SEC23B: variants seen among roughly 807,000 people sequenced by gnomAD.
The protein encoded by SEC23B is SEC23 homolog B, COPII component, also known as protein transport protein Sec23B.
A neutral mutation model predicts 104.3 loss-of-function variants in SEC23B; 77 were observed. That is an observed-to-expected ratio of 0.74 (90% CI 0.61 to 0.89). SEC23B has a LOEUF of 0.89. SEC23B is among the 40% of genes least tolerant of loss of function. The pLI is 0.00. For synonymous variants in SEC23B, 338 were observed against 332.5 expected (o/e 1.02, Z -0.18); for missense variants, 885 against 949.4 (o/e 0.93, Z 0.89).
chr20:18,557,745 C>CTTTTTTTTTTTTTTTTT (rs11477198), intron 19 of SEC23B, among the ~76,000 whole-genome samples: 2 of 116,824 alleles, frequency 1.7e-5, no homozygotes, highest in African/African-American at 6.2e-5. Flanking sequence ...TTTTTCTTTT[C>CTTTTTTTTTTTTTTTTT]TTTTTTTTTT....
In SEC23B at chr20:18,530,674, A is replaced by T; in HGVS notation, c.1110-6A>T. ...ATATTCACTTGATTTTTTTCTTCTT[A>T]CCTAGAGGCTACATGGTAATGGGAG... On this transcript the variant is annotated splice_polypyrimidine_tract_variant and splice_region_variant and intron_variant, in intron 9 of 19. Coordinates refer to ENST00000650089, the MANE Select transcript of SEC23B (RefSeq NM_006363.6). The T allele has an allele frequency of 2.5e-6, 4 of 1,611,948 alleles. No homozygotes were observed. The highest frequency in any genetic ancestry group is 3.4e-6 in the Non-Finnish European group (4 of 1,178,400).
chr20:18,516,870 A>G (rs534228110), intron 4 of SEC23B, among the ~76,000 whole-genome samples: 7 of 151,336 alleles, frequency 4.6e-5, no homozygotes, highest in African/African-American at 1.7e-4. Flanking sequence ...TAGGCTCTTT[A>G]TTGTCCTTTG....
At chr20:18,513,061 G>A (rs1600226432) in intron 3 of SEC23B, among the ~76,000 whole-genome samples, 2 of 152,210 alleles carry the variant, frequency 1.3e-5, no homozygotes, top group East Asian at 3.8e-4. Context: ...GCAGCCACCT[G>A]TAGTCTTAGC....
At chr20:18,548,933 A>G (rs754093514) in intron 16 of SEC23B, among the ~76,000 whole-genome samples, 163 bp downstream of exon 16, 11 of 152,250 alleles carry the variant, frequency 7.2e-5, no homozygotes, top group Non-Finnish European at 1.6e-4. Context: ...GAAAATGTCA[A>G]AGGACATATA....
At chr20:18,548,410 ACT>A (rs1280950466) in intron 15 of SEC23B, among the ~76,000 whole-genome samples, 197 bp from the exon 16 acceptor site, 1 of 151,750 alleles carries the variant, frequency 6.6e-6, no homozygotes, top group Non-Finnish European at 1.5e-5. Context: ...CAGAGCTGAA[ACT>A]CTGTGCTCAT....
intron 11 of SEC23B, among the ~76,000 whole-genome samples, chr20:18,534,082 A>G (rs566346186): frequency 6.6e-6 from 1 of 152,310 alleles, no homozygotes; most frequent in East Asian, 1.9e-4. Context: ...ACATTTTGCC[A>G]TAATTGCTCT....
At chr20:18,525,966 T>C in intron 7 of SEC23B, 34 bp downstream of exon 7, 1 of 1,605,918 alleles carries the variant, frequency 6.2e-7, no homozygotes, top group East Asian at 2.2e-5. Flanking sequence ...TCTCAAATCA[T>C]ACAAATGTGC....
At chr20:18,515,374 A>G (rs975824462) in intron 3 of SEC23B, among the ~76,000 whole-genome samples, 7 of 152,020 alleles carry the variant, frequency 4.6e-5, no homozygotes, top group Non-Finnish European at 7.4e-5. Flanking sequence ...GCAGTGGCGC[A>G]ATCATGGCTC....
chr20:18,508,936 G>T (rs1458090371), intron 1 of SEC23B, among the ~76,000 whole-genome samples: 1 of 152,098 alleles, frequency 6.6e-6, no homozygotes, highest in Admixed American at 6.6e-5. Flanking sequence ...GGCCAGGCTG[G>T]TCTTGAATTC....
chr20:18,558,544 G>C (rs553912051), intron 19 of SEC23B, among the ~76,000 whole-genome samples: 2 of 152,250 alleles, frequency 1.3e-5, no homozygotes, highest in South Asian at 4.1e-4. Flanking sequence ...CCAGTGACAT[G>C]AATGTTAGAT....
intron 12 of SEC23B, among the ~76,000 whole-genome samples, chr20:18,537,066 CTCA>C (rs1204203873): frequency 6.6e-6 from 1 of 152,100 alleles, no homozygotes; most frequent in Non-Finnish European, 1.5e-5. Context: ...ACCTGTGTTA[CTCA>C]TCATTAAAAA....
At chr20:18,531,436 C>T (rs2060185819) in intron 10 of SEC23B, among the ~76,000 whole-genome samples, 1 of 147,960 alleles carries the variant, frequency 6.8e-6, no homozygotes, top group Non-Finnish European at 1.5e-5. Flanking sequence ...GTGGGCGGAT[C>T]ACCTGAGGTT....
intron 16 of SEC23B, among the ~76,000 whole-genome samples, chr20:18,550,873 A>G (rs2060381334): frequency 6.6e-6 from 1 of 152,144 alleles, no homozygotes; most frequent in African/African-American, 2.4e-5. Context: ...TTGATGAGGA[A>G]TTATTTGGAG....
intron 4 of SEC23B, among the ~76,000 whole-genome samples, chr20:18,520,597 A>C (rs904617343): frequency 6.6e-6 from 1 of 152,082 alleles, no homozygotes; most frequent in African/African-American, 2.4e-5. Flanking sequence ...GGTGAGGATA[A>C]CTAAAAAGGA....
At position 18,546,040 on chromosome 20, in the gene SEC23B, A is replaced by G; in HGVS notation, c.1743+7A>G. ...CTTTTCTCTATATCCTCAGGTAAGT[A>G]ATGTATGTTTCTAAAATAACTACAG... On this transcript the variant is annotated splice_region_variant and intron_variant, in intron 15 of 19. Transcript: ENST00000650089. 1.4e-6 allele frequency: 2 copies of G among 1,415,314 alleles called. No homozygotes were observed. Among genetic ancestry groups the G allele is most frequent in the Non-Finnish European group, 2.0e-6 (2 of 998,718 alleles). 87.7% of individuals were successfully genotyped at this position (1,415,314 alleles called of 1,614,324 possible).
Position 18,524,530 on chromosome 20 carries a change from T to C in SEC23B, c.464T>C (p.Leu155Pro). 1 of 1,613,562 alleles carries C rather than the reference T, an allele frequency of 6.2e-7. No homozygotes were observed. The highest frequency in any genetic ancestry group is 8.5e-7 in the Non-Finnish European group (1 of 1,179,436). Residue 155 changes from leucine (L) to proline (P), a missense_variant, in exon 5 of 20, where the codon CTG becomes CCG. Leu to Pro is a moderately conservative substitution (Grantham distance 98). Transcript: ENST00000650089. ...QALKESLQMS[L>P]SLLPPDALVG... ...CTCAAAGAGTCCCTGCAGATGTCCC[T>C]GAGTCTTCTTCCTCCAGATGCTCTG...
intron 9 of SEC23B, among the ~76,000 whole-genome samples, chr20:18,529,797 T>C (rs2060166855): frequency 6.6e-6 from 1 of 152,206 alleles, no homozygotes; most frequent in Admixed American, 6.5e-5. Flanking sequence ...AGGTAGATAT[T>C]TGGTGCCAAA....
Position 18,548,681 on chromosome 20 carries a change from A to C in SEC23B, c.1816A>C (p.Arg606=), listed in dbSNP as rs918782413. ...NNSPDESSYY[R]HHFARQDLTQ... ...CAGTCCTGATGAGTCGTCATATTAC[A>C]GACATCATTTTGCCCGGCAGGACCT... The change falls in exon 16 of 20, where the codon AGA becomes CGA. Residue 606 remains arginine, a synonymous_variant. Coordinates refer to ENST00000650089, the MANE Select transcript of SEC23B (RefSeq NM_006363.6). 2.5e-6 allele frequency: 4 copies of C among 1,614,010 alleles called. No homozygotes were observed. In the Admixed American group the frequency reaches 5.0e-5, roughly 20 times the overall value.
In SEC23B at chr20:18,549,336, C is replaced by G. The variant is rs1326806397; in HGVS notation, c.1905+566C>G. On this transcript the variant is annotated intron_variant, in intron 16 of 19. Coordinates refer to ENST00000650089, the MANE Select transcript of SEC23B (RefSeq NM_006363.6). ...TCCTCCTATATACTTTAAATCATCT[C>G]TAGATTAGTTATAATACCTAATATA... Among the ~76,000 whole-genome samples the G allele has an allele frequency of 3.3e-5, 5 of 152,018 alleles. No individual in the cohort carries two copies. In the South Asian group the frequency reaches 6.2e-4, roughly 19 times the overall value.
Sources: gnomAD v4.1 joint callset for allele counts (sites outside exome capture counted in the v4.1 genomes callset) on GRCh38, gnomAD v4.1.1 for gene constraint, MANE v1.5 for transcripts, NCBI Gene and HGNC (gene_info 2026-07-23, HGNC 2026-07-21) for gene names.